Variants in CD226 observed in about 807,000 individuals in gnomAD.
The protein encoded by CD226 is CD226 antigen.
Under a neutral mutation model 34.9 loss-of-function variants are expected in CD226, and 24 were observed. The ratio of observed to expected loss-of-function variants is 0.69; its 90% CI spans 0.50 to 0.97. The LOEUF is 0.97. CD226 is among the 50% of genes least tolerant of loss of function. CD226 has a pLI of 0.00. For missense variants in CD226, 397 were observed against 412.7 expected, an observed-to-expected ratio of 0.96 and a Z score of 0.33; for synonymous variants, 148 against 147.4, an observed-to-expected ratio of 1.00 and a Z score of -0.03.
At position 69,889,836 on chromosome 18, in the gene CD226, T is replaced by C. The variant is rs1046739059; in HGVS notation, c.727+5865A>G. On this transcript the variant is annotated intron_variant, in intron 3 of 5. Coordinates refer to ENST00000582621, the MANE Select transcript of CD226 (RefSeq NM_001303618.2). Reference sequence around the variant, plus strand: ...AAATATCTGGGAAGATTCTCTTAGCTGTGGCACTATGATTTCCTAGTGAAT... The same window carrying C: ...AAATATCTGGGAAGATTCTCTTAGCCGTGGCACTATGATTTCCTAGTGAAT... Among the ~76,000 whole-genome samples, 4 of 152,252 alleles carry C rather than the reference T, an allele frequency of 2.6e-5. No homozygotes were observed. The East Asian group carries it at 5.8e-4, about 22-fold the overall frequency.
At chr18:69,959,586 C>T (rs2055919927), upstream of CD226, among the ~76,000 whole-genome samples, 1 of 152,270 alleles carries the variant, frequency 6.6e-6, no homozygotes, top group Admixed American at 6.5e-5. Flanking sequence ...AATTATAATT[C>T]AAGGTGACCC....
intron 2 of CD226, among the ~76,000 whole-genome samples, chr18:69,912,199 A>G (rs1286005780): frequency 1.3e-5 from 2 of 152,202 alleles, no homozygotes; most frequent in East Asian, 3.8e-4. Flanking sequence ...TAAAAACCCT[A>G]GAAGAAAACC....
At chr18:69,890,038 T>C (rs1984794815) in intron 3 of CD226, among the ~76,000 whole-genome samples, 1 of 152,210 alleles carries the variant, frequency 6.6e-6, no homozygotes, top group Non-Finnish European at 1.5e-5. Context: ...ATCACTGTAG[T>C]TGATCTTTTG....
chr18:69,905,169 A>C (rs1468031178), intron 2 of CD226, among the ~76,000 whole-genome samples: 1 of 152,030 alleles, frequency 6.6e-6, no homozygotes, highest in Non-Finnish European at 1.5e-5. Context: ...CTGAGAAGGG[A>C]CTCCGGTGAC....
chr18:69,961,516 C>T (rs1395530873), upstream of CD226: 1 of 152,160 alleles, frequency 6.6e-6, no homozygotes, highest in African/African-American at 2.4e-5. Flanking sequence ...ACACACATAT[C>T]CCCATGAAAG....
intron 3 of CD226, among the ~76,000 whole-genome samples, chr18:69,889,176 G>A (rs1471403139): frequency 3.3e-5 from 5 of 151,988 alleles, no homozygotes; most frequent in Non-Finnish European, 7.4e-5. Flanking sequence ...CAGTTTCACC[G>A]AGAAAACTAA....
chr18:69,914,625 C>T (rs2055364154), intron 2 of CD226, among the ~76,000 whole-genome samples: 1 of 152,116 alleles, frequency 6.6e-6, no homozygotes, highest in African/African-American at 2.4e-5. Context: ...TTGAGAATGA[C>T]AACCACAACC....
In CD226 at chr18:69,947,451, T is replaced by C; in HGVS notation, c.-45A>G. 8.0e-7 allele frequency: 1 copy of C among 1,243,454 alleles called. No individual in the cohort carries two copies. The highest frequency in any genetic ancestry group is 1.3e-5 in the South Asian group (1 of 75,200). The allele number at this position is 1,243,454 out of a possible 1,614,324, so 77.0% of individuals were successfully genotyped here. On this transcript the variant is annotated 5_prime_UTR_variant, in exon 1 of 6. Transcript: ENST00000582621. ...GGCTGGTTCTATTAAAAAAAAAAAT[T>C]GCTTTTTATAATGTGACATGCAGAT...
intron 2 of CD226, among the ~76,000 whole-genome samples, chr18:69,939,944 A>C (rs1249328222): frequency 1.3e-5 from 2 of 152,136 alleles, no homozygotes; most frequent in Non-Finnish European, 2.9e-5. Flanking sequence ...ATATGATATA[A>C]TTTGGCCGTG....
At chr18:69,918,563 AT>A (rs1224993819) in intron 2 of CD226, among the ~76,000 whole-genome samples, 1 of 152,198 alleles carries the variant, frequency 6.6e-6, no homozygotes, top group Non-Finnish European at 1.5e-5. Context: ...GTCTCAAAAA[AT>A]AAATTAATTA....
chr18:69,891,504 G>T (rs550724608), intron 3 of CD226, among the ~76,000 whole-genome samples: 1 of 152,130 alleles, frequency 6.6e-6, no homozygotes, highest in East Asian at 1.9e-4. Flanking sequence ...ACAAGAAAAA[G>T]AAAACAAAAG....
At chr18:69,867,324 A>G in intron 5 of CD226, 33 bp downstream of exon 5, 8 of 1,480,386 alleles carry the variant, frequency 5.4e-6, no homozygotes, top group Non-Finnish European at 7.5e-6. Flanking sequence ...GTAAATTACA[A>G]AAGAAAAAAA....
chr18:69,918,150 G>A (rs1431057988), intron 2 of CD226, among the ~76,000 whole-genome samples: 1 of 152,144 alleles, frequency 6.6e-6, no homozygotes, highest in African/African-American at 2.4e-5. Context: ...ATGTTGATGG[G>A]ACAAGACCCA....
At chr18:69,900,563 T>C (rs1162732226) in intron 2 of CD226, among the ~76,000 whole-genome samples, 1 of 151,126 alleles carries the variant, frequency 6.6e-6, no homozygotes, top group Admixed American at 6.6e-5. Flanking sequence ...AAACCCCGTC[T>C]CTACTAAAAA....
upstream of CD226, among the ~76,000 whole-genome samples, chr18:69,958,401 T>C (rs994456393): frequency 1.3e-5 from 2 of 152,174 alleles, no homozygotes; most frequent in Non-Finnish European, 1.5e-5. Context: ...TCTGCCATCG[T>C]TGGGGCTGCT....
intron 3 of CD226, among the ~76,000 whole-genome samples, chr18:69,892,820 C>T (rs1984986795): frequency 6.6e-6 from 1 of 152,136 alleles, no homozygotes; most frequent in South Asian, 2.1e-4. Context: ...CTAAAAATCT[C>T]TCTTTTAGAT....
intron 2 of CD226, among the ~76,000 whole-genome samples, chr18:69,906,804 G>A (rs1168756876): frequency 2.0e-5 from 3 of 152,140 alleles, no homozygotes; most frequent in Non-Finnish European, 2.9e-5. Context: ...TGCAATGCAG[G>A]GAACTCCATA....
intron 3 of CD226, among the ~76,000 whole-genome samples, chr18:69,876,855 CTTTTTTTTT>C (rs10618085): frequency 1.6e-5 from 1 of 64,076 alleles, no homozygotes; most frequent in African/African-American, 6.4e-5. Context: ...GCCTCTAGAA[CTTTTTTTTT>C]TTTTTTTTTT....
At chr18:69,867,322 C>T (rs1420025810) in intron 5 of CD226, 35 bp downstream of exon 5, 1 of 1,466,090 alleles carries the variant, frequency 6.8e-7, no homozygotes, top group Non-Finnish European at 9.5e-7. Flanking sequence ...CTGTAAATTA[C>T]AAAAGAAAAA....
Sources: gnomAD v4.1 joint callset for allele counts (sites outside exome capture counted in the v4.1 genomes callset) on GRCh38, gnomAD v4.1.1 for gene constraint, MANE v1.5 for transcripts, NCBI Gene and HGNC (gene_info 2026-07-23, HGNC 2026-07-21) for gene names.